PDE8A: variants seen among roughly 807,000 people sequenced by gnomAD.
PDE8A encodes the protein high affinity cAMP-specific and IBMX-insensitive 3',5'-cyclic phosphodiesterase 8A.
PDE8A carries 59 observed loss-of-function variants against 105.0 expected under a neutral mutation model. The ratio of observed to expected loss-of-function variants is 0.56; its 90% CI spans 0.46 to 0.70. The LOEUF is 0.70. PDE8A is among the 30% of genes least tolerant of loss of function. The pLI is 0.00. For synonymous variants in PDE8A, 355 were observed against 371.9 expected, an observed-to-expected ratio of 0.95 and a Z score of 0.52; for missense variants, 1,014 against 1,045.9, an observed-to-expected ratio of 0.97 and a Z score of 0.42.
chr15:85,089,462 T>C (rs1438512993), intron 7 of PDE8A, 46 bp downstream of exon 7: 2 of 1,163,212 alleles, frequency 1.7e-6, no homozygotes, highest in Admixed American at 1.9e-5. Flanking sequence ...TTGTTTTGCT[T>C]TTTCCAACTT....
chr15:85,067,309 A>G lies in PDE8A; in HGVS notation c.434+105A>G, dbSNP rs549206435. The G allele has an allele frequency of 6.5e-5, 49 of 751,472 alleles. No homozygotes were observed. The African/African-American group carries it at 7.7e-4, about 12-fold the overall frequency. The allele number at this position is 751,472 out of a possible 1,614,324, so 46.6% of individuals were successfully genotyped here. The stretch of plus-strand genomic sequence containing the variant: ...CTCACTCTCTTTTAAGTTGCTTTCC[A>G]TGCATGTGAAATAAACAAAATATTA... On this transcript the variant is annotated intron_variant, in intron 3 of 21. Coordinates refer to ENST00000394553, the MANE Select transcript of PDE8A (RefSeq NM_002605.3).
chr15:85,033,268 A>G (rs1428903118), intron 1 of PDE8A, among the ~76,000 whole-genome samples: 1 of 152,196 alleles, frequency 6.6e-6, no homozygotes, highest in African/African-American at 2.4e-5. Context: ...AAATGAGCAC[A>G]CAAGCTGATG....
intron 1 of PDE8A, among the ~76,000 whole-genome samples, chr15:85,004,593 A>G (rs940534107): frequency 6.6e-6 from 1 of 152,212 alleles, no homozygotes; most frequent in Non-Finnish European, 1.5e-5. Context: ...CTATCGCCTA[A>G]TACTTTAAGA....
At chr15:85,105,376 TGAG>T (rs1397645947) in intron 11 of PDE8A, among the ~76,000 whole-genome samples, 3 of 152,050 alleles carry the variant, frequency 2.0e-5, no homozygotes, top group Non-Finnish European at 4.4e-5. Context: ...TGATAGTGCC[TGAG>T]GAGATGTTCC....
At chr15:85,041,229 T>C (rs2080802803) in intron 1 of PDE8A, among the ~76,000 whole-genome samples, 1 of 152,246 alleles carries the variant, frequency 6.6e-6, no homozygotes, top group African/African-American at 2.4e-5. Flanking sequence ...ACAAGTCAAC[T>C]CAACCCCAAA....
intron 5 of PDE8A, 33 bp from the exon 6 acceptor site, chr15:85,083,523 G>C (rs1596500674): frequency 7.4e-7 from 1 of 1,347,080 alleles, no homozygotes; most frequent in African/African-American, 1.4e-5. Context: ...AAGCACTTTT[G>C]TTTATCCACA....
chr15:85,066,609 C>CACACACACACACACAT (rs1567261592), intron 2 of PDE8A, among the ~76,000 whole-genome samples: 1 of 89,830 alleles, frequency 1.1e-5, no homozygotes, highest in Non-Finnish European at 2.1e-5. Flanking sequence ...CACACACACA[C>CACACACACACACACAT]ACACACACAC....
In PDE8A at chr15:84,988,797, G is replaced by T. The variant is rs1268882783; in HGVS notation, c.186+6449G>T. On this transcript the variant is annotated intron_variant, in intron 1 of 21. Transcript: ENST00000394553. ...TGTGAGCCTAGGATTTCTGTCTTCA[G>T]CCTTCTGCTGGATTATATGCTGCTT... Among the ~76,000 whole-genome samples, 2 of 152,192 alleles carry T rather than the reference G, an allele frequency of 1.3e-5. 1 individual carries two copies. The highest frequency in any genetic ancestry group is 3.9e-4 in the East Asian group (2 of 5,194).
chr15:85,113,775 C>T, intron 13 of PDE8A, 98 bp from the exon 14 acceptor site: 1 of 924,706 alleles, frequency 1.1e-6, no homozygotes, highest in Non-Finnish European at 1.7e-6. Flanking sequence ...CCACCTCAGC[C>T]TCCTGAGTAG....
intron 1 of PDE8A, among the ~76,000 whole-genome samples, chr15:85,002,883 C>G (rs981973321): frequency 2.5e-4 from 38 of 152,120 alleles, no homozygotes; most frequent in African/African-American, 9.2e-4. Context: ...TGTTTCAGGA[C>G]AAAAGACCAA....
chr15:85,093,550 T>G (rs996896279), intron 8 of PDE8A, among the ~76,000 whole-genome samples: 28 of 142,384 alleles, frequency 2.0e-4, no homozygotes, highest in Non-Finnish European at 3.2e-4. Context: ...ATGCTAGGTG[T>G]TGGATATTGA....
chr15:85,082,599 A>G (rs1240598619), intron 5 of PDE8A, among the ~76,000 whole-genome samples: 1 of 152,024 alleles, frequency 6.6e-6, no homozygotes, highest in African/African-American at 2.4e-5. Flanking sequence ...GTGGTAGTAG[A>G]AGGAACTCTT....
At chr15:85,046,418 A>T (rs910844880) in intron 1 of PDE8A, among the ~76,000 whole-genome samples, 4 of 152,212 alleles carry the variant, frequency 2.6e-5, no homozygotes, top group Non-Finnish European at 5.9e-5. Flanking sequence ...CCTGTATTAC[A>T]TACATATATT....
chr15:85,034,553 G>A (rs1023113679), intron 1 of PDE8A, among the ~76,000 whole-genome samples: 1 of 152,188 alleles, frequency 6.6e-6, no homozygotes, highest in African/African-American at 2.4e-5. Flanking sequence ...TTCCCTCATC[G>A]TTAATAGCTA....
chr15:85,114,969 G>C (rs2082072972), intron 14 of PDE8A, among the ~76,000 whole-genome samples: 1 of 152,144 alleles, frequency 6.6e-6, no homozygotes, highest in Non-Finnish European at 1.5e-5. Context: ...AGAGTCAACT[G>C]TGGGGAATGA....
chr15:84,982,143 T>C lies in PDE8A; in HGVS notation c.-20T>C. The stretch of plus-strand genomic sequence containing the variant: ...CGGATCGCGGCTACCCGCCAGCGTG[T>C]CCGCGGCGCCGCCGCCAGCATGGGC... On this transcript the variant is annotated 5_prime_UTR_variant, in exon 1 of 22. Coordinates refer to ENST00000394553, the MANE Select transcript of PDE8A (RefSeq NM_002605.3). 7.6e-7 allele frequency: 1 copy of C among 1,309,360 alleles called. No individual in the cohort carries two copies. Among genetic ancestry groups the C allele is most frequent in the Non-Finnish European group, 9.7e-7 (1 of 1,032,950 alleles). 81.1% of individuals were successfully genotyped at this position (1,309,360 alleles called of 1,614,324 possible).
At chr15:85,029,595 T>G (rs1248685132) in intron 1 of PDE8A, among the ~76,000 whole-genome samples, 1 of 152,174 alleles carries the variant, frequency 6.6e-6, no homozygotes. Flanking sequence ...TCTACATGAA[T>G]TTGTATATAT....
Position 85,089,416 on chromosome 15 carries a change from G to A in PDE8A, c.714G>A (p.Gln238=). The change falls in exon 7 of 22, where the codon CAG becomes CAA. Residue 238 remains glutamine, a splice_region_variant and synonymous_variant. Coordinates refer to ENST00000394553, the MANE Select transcript of PDE8A (RefSeq NM_002605.3). ...TTACAAGCGAAGACCGTTTTATACA[G>A]GTTTGTTATTTTGGAAATCTGTCTT... ...IEITSEDRFI[Q]YANPAFETTM... 1 of 1,541,222 alleles carries A rather than the reference G, an allele frequency of 6.5e-7. No individual in the cohort carries two copies. Among genetic ancestry groups the A allele is most frequent in the Non-Finnish European group, 8.9e-7 (1 of 1,122,472 alleles).
chr15:84,999,297 T>C (rs1159649091), intron 1 of PDE8A, among the ~76,000 whole-genome samples: 3 of 151,856 alleles, frequency 2.0e-5, no homozygotes, highest in African/African-American at 7.3e-5. Context: ...ATTTTTGTAT[T>C]TTTAGTAGAG....
Sources: allele counts gnomAD v4.1 joint callset (sites outside exome capture counted in the v4.1 genomes callset), GRCh38; gene constraint gnomAD v4.1.1; transcripts MANE v1.5; gene names NCBI Gene and HGNC (gene_info 2026-07-23, HGNC 2026-07-21).